Variants in PRPSAP2 observed in about 807,000 individuals in gnomAD.
PRPSAP2 encodes the protein phosphoribosyl pyrophosphate synthase-associated protein 2.
A neutral mutation model predicts 40.6 loss-of-function variants in PRPSAP2; 24 were observed. The observed-to-expected ratio is 0.59, with a 90% confidence interval of 0.43 to 0.83. PRPSAP2 has a LOEUF of 0.83. Among genes scored for constraint, PRPSAP2 ranks in the 40% least tolerant of loss-of-function variants. The probability of loss-of-function intolerance (pLI) is 0.00; values close to 1 mark genes in which losing one functional copy is unlikely to be tolerated. For missense variants in PRPSAP2, 292 were observed against 465.6 expected, an observed-to-expected ratio of 0.63 and a Z score of 3.43; for synonymous variants, 149 against 164.7, an observed-to-expected ratio of 0.90 and a Z score of 0.73.
chr17:18,864,668 A>T (rs1296925539), intron 1 of PRPSAP2, among the ~76,000 whole-genome samples: 1 of 141,762 alleles, frequency 7.1e-6, no homozygotes, highest in Admixed American at 7.0e-5. Flanking sequence ...GAAAAAGATT[A>T]GCTTAGTTTC....
intron 1 of PRPSAP2, among the ~76,000 whole-genome samples, chr17:18,863,602 G>T (rs1318303016): frequency 6.6e-6 from 1 of 151,560 alleles, no homozygotes; most frequent in African/African-American, 2.4e-5. Context: ...GCGCGATCTT[G>T]GCTCACTGCA....
rs1247899016 is a variant in PRPSAP2 at position 18,865,457 on chromosome 17, G to A, written c.-128-12G>A. 1 of 152,472 alleles carries A rather than the reference G, an allele frequency of 6.6e-6. No homozygotes were observed. The highest frequency in any genetic ancestry group is 1.5e-5 in the Non-Finnish European group (1 of 68,240). 9.4% of individuals were successfully genotyped at this position (152,472 alleles called of 1,614,324 possible). A position where few individuals can be genotyped will look rare whatever the true frequency, so the allele number is the denominator to read the frequency against. On this transcript the variant is annotated splice_polypyrimidine_tract_variant and intron_variant, in intron 1 of 11. Transcript: ENST00000268835. ...GCTAATGGCTCTGCCATTTTTCTGTGTGTTAATCCAGGAGGAATTTTGTTG... is the reference window on the plus strand; with the variant it reads ...GCTAATGGCTCTGCCATTTTTCTGTATGTTAATCCAGGAGGAATTTTGTTG...
chr17:18,901,964 TG>T (rs2040295991), intron 8 of PRPSAP2, among the ~76,000 whole-genome samples: 1 of 152,102 alleles, frequency 6.6e-6, no homozygotes. Context: ...TCCTTATTTT[TG>T]TAGCAACGGG....
intron 8 of PRPSAP2, chr17:18,908,267 CT>C: frequency 1.3e-6 from 1 of 766,734 alleles, no homozygotes; most frequent in South Asian, 1.4e-5. Context: ...CGAGCTGCCG[CT>C]TTCGCAGCAC....
chr17:18,893,721 T>A (rs2039729649), intron 8 of PRPSAP2, among the ~76,000 whole-genome samples: 1 of 151,750 alleles, frequency 6.6e-6, no homozygotes, highest in African/African-American at 2.4e-5. Flanking sequence ...CACCACTGCC[T>A]GGCTAATTTT....
intron 9 of PRPSAP2, among the ~76,000 whole-genome samples, chr17:18,914,066 C>T (rs191597838): frequency 6.6e-6 from 1 of 151,018 alleles, no homozygotes; most frequent in African/African-American, 2.4e-5. Context: ...CCCAACTACT[C>T]GGGAGGCTAA....
intron 8 of PRPSAP2, among the ~76,000 whole-genome samples, chr17:18,902,792 C>A (rs912526501): frequency 6.9e-6 from 1 of 145,562 alleles, no homozygotes; most frequent in Non-Finnish European, 1.5e-5. Context: ...TTGCTTGAAC[C>A]TGGGAGGCAG....
rs747967574 is a variant in PRPSAP2 at position 18,865,828 on chromosome 17, G to C, written c.-6G>C. The C allele has an allele frequency of 1.3e-6, 2 of 1,484,098 alleles. No individual in the cohort carries two copies. Among genetic ancestry groups the C allele is most frequent in the African/African-American group, 2.8e-5 (2 of 71,764 alleles). The allele number at this position is 1,484,098 out of a possible 1,614,324, so 91.9% of individuals were successfully genotyped here. A position where few individuals can be genotyped will look rare whatever the true frequency, so the allele number is the denominator to read the frequency against. Reference sequence around the variant, plus strand: ...CTCTGAAAATTGGAAAACCAAGAAGGTTTTGATGTTTTGTGTGACGCCACC... The same window carrying C: ...CTCTGAAAATTGGAAAACCAAGAAGCTTTTGATGTTTTGTGTGACGCCACC... On this transcript the variant is annotated 5_prime_UTR_variant, in exon 3 of 12. Transcript: ENST00000268835.
intron 8 of PRPSAP2, among the ~76,000 whole-genome samples, chr17:18,890,199 C>T (rs982912986): frequency 6.6e-6 from 1 of 151,028 alleles, no homozygotes; most frequent in East Asian, 1.9e-4. Context: ...GATGGAGTTT[C>T]GCTCTTGTTG....
In PRPSAP2 at chr17:18,923,906, C is replaced by T; in HGVS notation, c.734-8C>T. 1.2e-6 allele frequency: 2 copies of T among 1,605,092 alleles called. No individual in the cohort carries two copies. The highest frequency in any genetic ancestry group is 2.2e-5 in the South Asian group (2 of 89,660). ...AAAATTTTGGTGTGTGTGTTTTATT[C>T]CAACCAGTGCTGATTCCTAAAGAAA... On this transcript the variant is annotated splice_polypyrimidine_tract_variant and splice_region_variant and intron_variant, in intron 9 of 11. Coordinates refer to ENST00000268835, the MANE Select transcript of PRPSAP2 (RefSeq NM_002767.4).
chr17:18,902,829 A>G (rs936585003), intron 8 of PRPSAP2, among the ~76,000 whole-genome samples: 4 of 139,264 alleles, frequency 2.9e-5, no homozygotes, highest in Non-Finnish European at 6.1e-5. Flanking sequence ...GGATTGCGCC[A>G]TTGTACTCCA....
intron 10 of PRPSAP2, among the ~76,000 whole-genome samples, chr17:18,925,796 T>A (rs1203495208): frequency 1.3e-5 from 2 of 152,176 alleles, no homozygotes; most frequent in Non-Finnish European, 2.9e-5. Flanking sequence ...GATAATTTTG[T>A]ACGCACCCTT....
At chr17:18,872,695 A>T in intron 5 of PRPSAP2, 46 bp downstream of exon 5, 1 of 1,461,378 alleles carries the variant, frequency 6.8e-7, no homozygotes, top group African/African-American at 1.4e-5. Context: ...CAGTTTAGGC[A>T]TGAGTGTTTA....
At chr17:18,925,904 G>A (rs2041942297) in intron 10 of PRPSAP2, among the ~76,000 whole-genome samples, 1 of 152,062 alleles carries the variant, frequency 6.6e-6, no homozygotes, top group Non-Finnish European at 1.5e-5. Context: ...AGGAGATCGA[G>A]ACCATCCTGG....
intron 9 of PRPSAP2, among the ~76,000 whole-genome samples, chr17:18,919,502 C>A (rs898361289): frequency 6.6e-6 from 1 of 150,636 alleles, no homozygotes; most frequent in Non-Finnish European, 1.5e-5. Context: ...AGTGAGACTA[C>A]CTCTCAAAAA....
chr17:18,892,727 G>GTGTGTGTGTGTTTATT (rs60288281), intron 8 of PRPSAP2, among the ~76,000 whole-genome samples: 15 of 126,618 alleles, frequency 1.2e-4, no homozygotes, highest in Admixed American at 4.9e-4. Context: ...GTGTGTGTGT[G>GTGTGTGTGTGTTTATT]TATTTATTTA....
chr17:18,890,655 C>T (rs1160773039), intron 8 of PRPSAP2, among the ~76,000 whole-genome samples: 1 of 152,170 alleles, frequency 6.6e-6, no homozygotes, highest in Non-Finnish European at 1.5e-5. Flanking sequence ...CTGGGGAATA[C>T]GATCTAGTGT....
chr17:18,880,794 T>C (rs2038673011), intron 6 of PRPSAP2, among the ~76,000 whole-genome samples: 1 of 152,176 alleles, frequency 6.6e-6, no homozygotes, highest in African/African-American at 2.4e-5. Context: ...TTAAAGACTC[T>C]TCTGTATTAC....
intron 1 of PRPSAP2, among the ~76,000 whole-genome samples, chr17:18,863,748 G>A (rs2037219631): frequency 6.6e-6 from 1 of 151,096 alleles, no homozygotes; most frequent in Admixed American, 6.6e-5. Flanking sequence ...TGTCCAGGCT[G>A]GTCTCGAACC....
Sources: allele counts gnomAD v4.1 joint callset (sites outside exome capture counted in the v4.1 genomes callset), GRCh38; gene constraint gnomAD v4.1.1; transcripts MANE v1.5; gene names NCBI Gene and HGNC (gene_info 2026-07-23, HGNC 2026-07-21).